COL4A5: variants seen among roughly 807,000 people sequenced by gnomAD.
The protein encoded by COL4A5 is collagen alpha-5(IV) chain.
A neutral mutation model predicts 130.2 loss-of-function variants in COL4A5; 26 were observed. That is an observed-to-expected ratio of 0.20 (90% confidence interval 0.15 to 0.28). The LOEUF (loss-of-function observed/expected upper bound fraction) is 0.28. Ranked by LOEUF, COL4A5 falls within the 10% of genes least tolerant of loss-of-function variation. The pLI is 1.00. For missense variants in COL4A5, 1,131 were observed against 1,344.3 expected, an observed-to-expected ratio of 0.84 and a Z score of 2.48; for synonymous variants, 496 against 439.6, an observed-to-expected ratio of 1.13 and a Z score of -1.60.
chrX:108,660,562 G>A (rs1223023373), intron 37 of COL4A5, among the ~76,000 whole-genome samples: 1 of 111,458 alleles, frequency 9.0e-6, no homozygotes, highest in Non-Finnish European at 1.9e-5. Context: ...TTCTTCCACT[G>A]TCTTTTCGTC....
intron 1 of COL4A5, among the ~76,000 whole-genome samples, chrX:108,515,096 A>G (rs1201644922): frequency 1.8e-5 from 2 of 111,806 alleles, no homozygotes; most frequent in East Asian, 2.8e-4. Context: ...CTACAATTTT[A>G]TATATACACT....
intron 22 of COL4A5, 122 bp from the exon 23 acceptor site, chrX:108,596,876 G>T (rs930447012): frequency 1.1e-5 from 7 of 664,408 alleles, no homozygotes; most frequent in Middle Eastern, 9.2e-4. Flanking sequence ...ATTGAATGGG[G>T]TTCTTATTTT....
chrX:108,447,758 A>C (rs2064469331), intron 1 of COL4A5, among the ~76,000 whole-genome samples: 2 of 111,917 alleles, frequency 1.8e-5, no homozygotes, highest in South Asian at 3.8e-4. Context: ...ATTTTCTTTT[A>C]CAAATGTAAT....
chrX:108,632,565 C>T (rs1157830754), intron 36 of COL4A5, among the ~76,000 whole-genome samples: 2 of 111,078 alleles, frequency 1.8e-5, no homozygotes, highest in South Asian at 3.9e-4. Flanking sequence ...TGATGAACAT[C>T]GATGCAAAAA....
intron 1 of COL4A5, among the ~76,000 whole-genome samples, chrX:108,523,411 G>T (rs1330339112): frequency 2.7e-5 from 3 of 111,483 alleles, no homozygotes; most frequent in African/African-American, 9.8e-5. Flanking sequence ...AGATGTATGG[G>T]TTTATTTTTG....
Position 108,670,353 on chromosome X carries a change from A to G in COL4A5, c.3799+117A>G, listed in dbSNP as rs959850422. On this transcript the variant is annotated intron_variant, in intron 42 of 52. Transcript: ENST00000328300. ...GAGCATATGTGCCAATTCAATTCTT[A>G]CATAGTGGCTTATCTCTTTAAGTTT... is the stretch of plus-strand genomic sequence containing the variant. 2.7e-6 allele frequency: 3 copies of G among 1,127,199 alleles called. No individual in the cohort carries two copies. In the African/African-American group the frequency reaches 5.5e-5, roughly 21 times the overall value. The allele number at this position is 1,127,199 out of a possible 1,213,427, so 92.9% of individuals were successfully genotyped here.
At chrX:108,658,470 G>A (rs1335059387) in intron 37 of COL4A5, among the ~76,000 whole-genome samples, 2 of 111,009 alleles carry the variant, frequency 1.8e-5, no homozygotes, top group African/African-American at 6.5e-5. Context: ...GAGCTGGGAA[G>A]TATTCCCTCC....
At chrX:108,674,900 G>A (rs926589570) in intron 43 of COL4A5, 147 bp downstream of exon 43, 10 of 521,677 alleles carry the variant, frequency 1.9e-5, no homozygotes, top group African/African-American at 1.2e-4. Flanking sequence ...TTTTGATGAA[G>A]GTAATGTGAC....
At chrX:108,590,007 A>G (rs889470267) in intron 19 of COL4A5, among the ~76,000 whole-genome samples, 2 of 112,031 alleles carry the variant, frequency 1.8e-5, no homozygotes, top group Non-Finnish European at 3.8e-5. Flanking sequence ...AATAAGACAT[A>G]TATGTGGCCA....
At chrX:108,579,728 G>A (rs756246746) in intron 13 of COL4A5, among the ~76,000 whole-genome samples, 5 of 111,942 alleles carry the variant, frequency 4.5e-5, no homozygotes, top group Non-Finnish European at 7.5e-5. Context: ...TAAGAATAAA[G>A]GAAAAGTTGT....
At chrX:108,660,538 AG>A (rs1173754271) in intron 37 of COL4A5, among the ~76,000 whole-genome samples, 6 of 112,036 alleles carry the variant, frequency 5.4e-5, no homozygotes, top group African/African-American at 1.9e-4. Context: ...TGTTGCTTTC[AG>A]CACTTTAAAT....
At chrX:108,450,702 T>C (rs1012964974) in intron 1 of COL4A5, among the ~76,000 whole-genome samples, 1 of 111,363 alleles carries the variant, frequency 9.0e-6, no homozygotes, top group Non-Finnish European at 1.9e-5. Flanking sequence ...AAGCTCTGCA[T>C]AGGTCAGTGA....
At chrX:108,694,661 C>T (rs992527851) in intron 50 of COL4A5, 146 bp from the exon 51 acceptor site, 13 of 516,775 alleles carry the variant, frequency 2.5e-5, no homozygotes, top group Non-Finnish European at 4.1e-5. Context: ...CAAATGCAAT[C>T]CTCAAAGTGC....
chrX:108,675,376 CT>C (rs768840751), intron 43 of COL4A5, among the ~76,000 whole-genome samples: 3 of 110,865 alleles, frequency 2.7e-5, no homozygotes, highest in South Asian at 3.8e-4. Context: ...TAAAAGGTTT[CT>C]TTTTTTCCCA....
chrX:108,646,330 G>A (rs1161076044), intron 36 of COL4A5, among the ~76,000 whole-genome samples: 1 of 112,160 alleles, frequency 8.9e-6, no homozygotes, highest in Non-Finnish European at 1.9e-5. Context: ...CTGATGGCCA[G>A]TGAGGATAAG....
intron 21 of COL4A5, among the ~76,000 whole-genome samples, chrX:108,592,767 G>C (rs964725645): frequency 7.5e-5 from 8 of 106,322 alleles, no homozygotes; most frequent in African/African-American, 2.4e-4. Flanking sequence ...ACATATATGT[G>C]TGTGTGTGTG....
In COL4A5 at chrX:108,568,622, C is replaced by A. The variant is rs751723336; in HGVS notation, c.277-7C>A. 4.5e-5 allele frequency: 52 copies of A among 1,166,105 alleles called. No individual in the cohort carries two copies. The highest frequency in any genetic ancestry group is 6.1e-5 in the Non-Finnish European group (52 of 855,245). On this transcript the variant is annotated splice_polypyrimidine_tract_variant and splice_region_variant and intron_variant, in intron 4 of 52. Transcript: ENST00000328300. ...ATTTAGTTTAAGGATTTTATTTCTT[C>A]TTATAGGGTCCTCCTGGACTTCCTG...
intron 1 of COL4A5, among the ~76,000 whole-genome samples, chrX:108,474,380 A>C (rs2064811388): frequency 8.9e-6 from 1 of 111,838 alleles, no homozygotes; most frequent in Admixed American, 9.5e-5. Flanking sequence ...AGTTGCCTAC[A>C]ATATTTAGTA....
At chrX:108,564,516 T>A (rs868591048) in intron 4 of COL4A5, among the ~76,000 whole-genome samples, 69 of 112,326 alleles carry the variant, frequency 6.1e-4, no homozygotes, top group Middle Eastern at 9.3e-3. Flanking sequence ...TTTAGTATAA[T>A]TTTTTCTCAA....
Sources: gnomAD v4.1 joint callset for allele counts (sites outside exome capture counted in the v4.1 genomes callset) on GRCh38, gnomAD v4.1.1 for gene constraint, MANE v1.5 for transcripts, NCBI Gene and HGNC (gene_info 2026-07-23, HGNC 2026-07-21) for gene names.